PAX3: variants seen among roughly 807,000 people sequenced by gnomAD.
PAX3 encodes the protein paired box 3, also known as paired box protein Pax-3.
In PAX3, 14 loss-of-function variants were observed where a neutral mutation model predicts 51.6. That is an observed-to-expected ratio of 0.27 (90% CI 0.18 to 0.42). PAX3 has a LOEUF of 0.42. PAX3 is among the 10% of genes least tolerant of loss of function. PAX3 has a pLI of 1.00. For missense variants in PAX3, 540 were observed against 642.8 expected (o/e 0.84, Z 1.73); for synonymous variants, 280 against 253.4 (o/e 1.11, Z -1.00).
chr2:222,204,772 GA>G (rs1691440347), intron 7 of PAX3, among the ~76,000 whole-genome samples: 1 of 152,040 alleles, frequency 6.6e-6, no homozygotes, highest in South Asian at 2.1e-4. Flanking sequence ...TAAATAAAAG[GA>G]AAATAAACTC....
At position 222,257,562 on chromosome 2, in the gene PAX3, C is replaced by G. The variant is rs544170494; in HGVS notation, c.587-25279G>C. 2.6e-5 allele frequency among the ~76,000 whole-genome samples: 4 copies of G among 152,336 alleles called. No homozygotes were observed. The South Asian group carries it at 8.3e-4, about 32-fold the overall frequency. On this transcript the variant is annotated intron_variant, in intron 4 of 8. Coordinates refer to ENST00000392070, the MANE Select transcript of PAX3 (RefSeq NM_181458.4). ...TTTCCAGACGTTATTTTAAACACAA[C>G]CTTCATTTTGTGTTGAAAAAGTCAT...
chr2:222,235,868 A>G (rs1412638715), intron 4 of PAX3, among the ~76,000 whole-genome samples: 1 of 152,088 alleles, frequency 6.6e-6, no homozygotes, highest in East Asian at 1.9e-4. Flanking sequence ...ACAAATCACT[A>G]CTCTTACTTC....
At chr2:222,259,810 T>G (rs55848103) in intron 4 of PAX3, among the ~76,000 whole-genome samples, 15,860 of 152,018 alleles carry the variant, frequency 0.1, 1,008 homozygotes, top group East Asian at 0.33. Flanking sequence ...TGAGAATGAG[T>G]TTATCATCTT....
At chr2:222,282,327 T>G (rs1311941688) in intron 4 of PAX3, among the ~76,000 whole-genome samples, 1 of 152,046 alleles carries the variant, frequency 6.6e-6, no homozygotes, top group Non-Finnish European at 1.5e-5. Flanking sequence ...ACAACTGAAT[T>G]CCATAGCATC....
chr2:222,255,337 T>C (rs950556260), intron 4 of PAX3, among the ~76,000 whole-genome samples: 3 of 152,124 alleles, frequency 2.0e-5, no homozygotes, highest in Non-Finnish European at 2.9e-5. Flanking sequence ...CTGAGCAGTA[T>C]AGAGACCACC....
At chr2:222,219,494 T>C (rs1456219229) in intron 7 of PAX3, among the ~76,000 whole-genome samples, 5 of 152,234 alleles carry the variant, frequency 3.3e-5, no homozygotes, top group African/African-American at 1.2e-4. Context: ...GGCAATTTAT[T>C]AATGTGATCT....
chr2:222,278,158 G>A (rs1694497673), intron 4 of PAX3, among the ~76,000 whole-genome samples: 1 of 152,052 alleles, frequency 6.6e-6, no homozygotes, highest in African/African-American at 2.4e-5. Context: ...AATCCCAGTT[G>A]TTCCACTGAG....
At chr2:222,216,570 A>T (rs935206002) in intron 7 of PAX3, among the ~76,000 whole-genome samples, 2 of 152,178 alleles carry the variant, frequency 1.3e-5, no homozygotes, top group Non-Finnish European at 2.9e-5. Flanking sequence ...CATGAAGCTG[A>T]GACCTTCTCT....
intron 4 of PAX3, among the ~76,000 whole-genome samples, chr2:222,291,954 G>T (rs1695054379): frequency 6.7e-6 from 1 of 148,316 alleles, no homozygotes; most frequent in African/African-American, 2.5e-5. Context: ...AATTAAATCA[G>T]GCTTCAGCCT....
intron 5 of PAX3, among the ~76,000 whole-genome samples, chr2:222,226,172 T>C (rs78886036): frequency 3.3e-5 from 5 of 152,328 alleles, no homozygotes; most frequent in African/African-American, 1.2e-4. Context: ...AGAAAGAGAA[T>C]TCGCAACAAG....
intron 5 of PAX3, chr2:222,221,770 T>A (rs1157930105): frequency 4.2e-6 from 1 of 238,396 alleles, no homozygotes; most frequent in African/African-American, 2.2e-5. Context: ...GCATGACGCA[T>A]GTCCTAAATG....
chr2:222,271,536 C>T (rs1219507798), intron 4 of PAX3, among the ~76,000 whole-genome samples: 2 of 152,156 alleles, frequency 1.3e-5, no homozygotes, highest in African/African-American at 4.8e-5. Context: ...TTTACACTCA[C>T]TATTTGGTGT....
At chr2:222,244,214 C>G (rs528681567) in intron 4 of PAX3, among the ~76,000 whole-genome samples, 8 of 152,282 alleles carry the variant, frequency 5.3e-5, no homozygotes, top group African/African-American at 1.7e-4. Context: ...CTTTTTGTGT[C>G]TAAGCAACAG....
intron 7 of PAX3, among the ~76,000 whole-genome samples, chr2:222,204,044 T>C (rs1431730885): frequency 6.6e-6 from 1 of 152,200 alleles, no homozygotes; most frequent in Non-Finnish European, 1.5e-5. Flanking sequence ...TCTAAGATTT[T>C]TTGAGATATG....
At chr2:222,280,417 GAAAGAAAGA>G (rs1344312339) in intron 4 of PAX3, among the ~76,000 whole-genome samples, 69 of 151,344 alleles carry the variant, frequency 4.6e-4, no homozygotes, top group African/African-American at 1.7e-3. Flanking sequence ...AAAGAAAAAA[GAAAGAAAGA>G]AAGGAAGGAA....
chr2:222,278,209 G>A (rs1243083812), intron 4 of PAX3, among the ~76,000 whole-genome samples: 3 of 152,084 alleles, frequency 2.0e-5, no homozygotes, highest in Non-Finnish European at 4.4e-5. Flanking sequence ...TTGTTTCTAA[G>A]GATCTCAAGA....
chr2:222,202,294 A>G (rs1691327981), intron 7 of PAX3, 104 bp from the exon 8 acceptor site: 1 of 944,660 alleles, frequency 1.1e-6, no homozygotes, highest in East Asian at 2.6e-5. Flanking sequence ...ATTTCTTTGG[A>G]AATTGGTTAA....
At chr2:222,223,359 TACTTA>T (rs1692270489) in intron 5 of PAX3, among the ~76,000 whole-genome samples, 1 of 152,208 alleles carries the variant, frequency 6.6e-6, no homozygotes, top group African/African-American at 2.4e-5. Context: ...ATTAGAGTTT[TACTTA>T]ACTTAATAAA....
chr2:222,226,654 C>G (rs150274095), intron 5 of PAX3, among the ~76,000 whole-genome samples: 3 of 151,500 alleles, frequency 2.0e-5, no homozygotes, highest in African/African-American at 7.3e-5. Flanking sequence ...TTCCAAATTA[C>G]TGATGCTATA....
Sources: allele counts gnomAD v4.1 joint callset (sites outside exome capture counted in the v4.1 genomes callset), GRCh38; gene constraint gnomAD v4.1.1; transcripts MANE v1.5; gene names NCBI Gene and HGNC (gene_info 2026-07-23, HGNC 2026-07-21).